The following ANP32B variants were observed in gnomAD, a reference collection of about 807,000 sequenced individuals.
ANP32B encodes acidic nuclear phosphoprotein 32 family member B, also known as acidic leucine-rich nuclear phosphoprotein 32 family member B.
A neutral mutation model predicts 32.2 loss-of-function variants in ANP32B; 6 were observed. The ratio of observed to expected loss-of-function variants is 0.19; its 90% CI spans 0.10 to 0.37. ANP32B has a LOEUF of 0.37. ANP32B is among the 10% of genes least tolerant of loss of function. The probability of loss-of-function intolerance (pLI) is 1.00; values close to 1 mark genes in which losing one functional copy is unlikely to be tolerated. For missense variants in ANP32B, 204 were observed against 289.2 expected (o/e 0.71, Z 2.14); for synonymous variants, 98 against 105.8 (o/e 0.93, Z 0.45).
intron 4 of ANP32B, 79 bp downstream of exon 4, chr9:98,005,232 C>T (rs1360632293): frequency 1.1e-5 from 15 of 1,406,734 alleles, no homozygotes; most frequent in African/African-American, 8.6e-5. Context: ...GTTGGCCGGG[C>T]GCAGTGGCAC....
Position 98,011,365 on chromosome 9 carries a change from GGAC to G in ANP32B, c.618_620del (p.Asp207del). On this transcript the variant is annotated inframe_deletion, in exon 5 of 7. Transcript: ENST00000339399. ...AAGATGAAGATGTAGAAGGGGATGA[GGAC>G]GACGATGAAGTCAGTGAGGAGGTCA... 6.4e-7 allele frequency: 1 copy of G among 1,571,616 alleles called. No homozygotes were observed. Among genetic ancestry groups the G allele is most frequent in the African/African-American group, 1.3e-5 (1 of 74,162 alleles).
rs560142481 is a variant in ANP32B, at chr9:98,014,862, C to A, written c.689-502C>A. 9.2e-5 allele frequency among the ~76,000 whole-genome samples: 14 copies of A among 152,322 alleles called. No homozygotes were observed. The South Asian group carries it at 2.1e-3, about 23-fold the overall frequency. ...CCGCCTTCCGGATTCAAGCAATTCTCATGCCTCATCATCCAGAGTAGCTGG... is the reference window on the plus strand; with the variant it reads ...CCGCCTTCCGGATTCAAGCAATTCTAATGCCTCATCATCCAGAGTAGCTGG... On this transcript the variant is annotated intron_variant, in intron 6 of 6. Coordinates refer to ENST00000339399, the MANE Select transcript of ANP32B (RefSeq NM_006401.3).
intron 5 of ANP32B, among the ~76,000 whole-genome samples, chr9:98,011,678 C>A (rs1828188182): frequency 6.6e-6 from 1 of 152,110 alleles, no homozygotes; most frequent in African/African-American, 2.4e-5. Flanking sequence ...GAAAACTGGA[C>A]ATGTTGAGAA....
At chr9:98,001,662 A>G (rs1469754937) in intron 3 of ANP32B, among the ~76,000 whole-genome samples, 1 of 151,990 alleles carries the variant, frequency 6.6e-6, no homozygotes, top group East Asian at 1.9e-4. Context: ...ACTGTGTGGG[A>G]GTTGTTTGCT....
chr9:98,001,768 T>C (rs1177677562), intron 3 of ANP32B, among the ~76,000 whole-genome samples: 1 of 152,176 alleles, frequency 6.6e-6, no homozygotes, highest in Non-Finnish European at 1.5e-5. Flanking sequence ...TAAAAAGTAA[T>C]CTTCGTTGTG....
At chr9:97,987,322 TAGG>T (rs1001471218) in intron 1 of ANP32B, among the ~76,000 whole-genome samples, 8 of 152,108 alleles carry the variant, frequency 5.3e-5, no homozygotes, top group African/African-American at 1.9e-4. Context: ...TAGACAAGGA[TAGG>T]AGATAGTTTG....
chr9:97,996,859 C>CA (rs1827914691), intron 2 of ANP32B, among the ~76,000 whole-genome samples: 2 of 152,096 alleles, frequency 1.3e-5, no homozygotes, highest in African/African-American at 4.8e-5. Flanking sequence ...CTCGGCCTCT[C>CA]AAAGTACTGG....
chr9:97,986,051 C>T (rs981547804), intron 1 of ANP32B, among the ~76,000 whole-genome samples: 1 of 152,138 alleles, frequency 6.6e-6, no homozygotes, highest in Non-Finnish European at 1.5e-5. Context: ...CAACTCCTGA[C>T]CTCGGGTGAT....
At chr9:97,995,076 A>G (rs559963402) in intron 2 of ANP32B, among the ~76,000 whole-genome samples, 7 of 152,346 alleles carry the variant, frequency 4.6e-5, no homozygotes, top group East Asian at 3.9e-4. Context: ...GTAGTTAGGA[A>G]GAATAATTAC....
intron 1 of ANP32B, among the ~76,000 whole-genome samples, chr9:97,984,253 A>C (rs1047193099): frequency 6.6e-6 from 1 of 150,534 alleles, no homozygotes; most frequent in Non-Finnish European, 1.5e-5. Flanking sequence ...GGGGCGGGCC[A>C]GGGCGGCGGA....
intron 4 of ANP32B, among the ~76,000 whole-genome samples, chr9:98,005,477 G>T (rs967879914): frequency 2.1e-4 from 32 of 151,810 alleles, no homozygotes; most frequent in African/African-American, 7.7e-4. Flanking sequence ...AGCCATGATT[G>T]TTCCCCACTG....
chr9:98,008,774 T>C (rs1469721283), intron 4 of ANP32B, among the ~76,000 whole-genome samples: 2 of 152,196 alleles, frequency 1.3e-5, no homozygotes, highest in Admixed American at 1.3e-4. Flanking sequence ...AGGGTTCCCA[T>C]TGATTCCACA....
At chr9:97,997,471 A>G (rs1827924791) in intron 2 of ANP32B, among the ~76,000 whole-genome samples, 1 of 152,260 alleles carries the variant, frequency 6.6e-6, no homozygotes, top group Non-Finnish European at 1.5e-5. Context: ...GGTACGTAGC[A>G]TAATAATGAG....
chr9:97,991,883 C>T (rs1398694655), intron 1 of ANP32B, among the ~76,000 whole-genome samples: 3 of 152,218 alleles, frequency 2.0e-5, no homozygotes, highest in Non-Finnish European at 4.4e-5. Context: ...AAAAAATACT[C>T]TGTGATCAGA....
chr9:97,994,507 CTAAG>C (rs1380431272), intron 1 of ANP32B, 120 bp from the exon 2 acceptor site: 9 of 848,918 alleles, frequency 1.1e-5, no homozygotes, highest in Admixed American at 2.9e-5. Flanking sequence ...TGATCTAGGT[CTAAG>C]TAAGAGGCTG....
At chr9:98,013,459 T>A (rs1196519600) in intron 6 of ANP32B, among the ~76,000 whole-genome samples, 1 of 152,244 alleles carries the variant, frequency 6.6e-6, no homozygotes, top group Non-Finnish European at 1.5e-5. Context: ...TCAGGATATA[T>A]AAATAGATGT....
At position 98,015,773 on chromosome 9, in the gene ANP32B, G is replaced by A. The variant is rs997402114; in HGVS notation, c.*342G>A. 6 of 995,086 alleles carry A rather than the reference G, an allele frequency of 6.0e-6. No individual in the cohort carries two copies. The highest frequency in any genetic ancestry group is 7.2e-6 in the Non-Finnish European group (6 of 836,130). The allele number at this position is 995,086 out of a possible 1,614,324, so 61.6% of individuals were successfully genotyped here. On this transcript the variant is annotated 3_prime_UTR_variant, in exon 7 of 7. Coordinates refer to ENST00000339399, the MANE Select transcript of ANP32B (RefSeq NM_006401.3). ...GATTGTAACAGCATTTTTACTTTCT[G>A]TACAACAAAAAAGCTTTGTAAATAA...
At chr9:98,015,272 T>C in intron 6 of ANP32B, 92 bp from the exon 7 acceptor site, 1 of 1,514,280 alleles carries the variant, frequency 6.6e-7, no homozygotes. Context: ...ATCTCCTAAC[T>C]GTCAAAAACT....
intron 1 of ANP32B, 114 bp from the exon 2 acceptor site, chr9:97,994,517 G>T: frequency 1.0e-6 from 1 of 970,870 alleles, no homozygotes; most frequent in Non-Finnish European, 1.5e-6. Flanking sequence ...CTAAGTAAGA[G>T]GCTGCCTGTA....
Sources: allele counts gnomAD v4.1 joint callset (sites outside exome capture counted in the v4.1 genomes callset), GRCh38; gene constraint gnomAD v4.1.1; transcripts MANE v1.5; gene names NCBI Gene and HGNC (gene_info 2026-07-23, HGNC 2026-07-21).